The following ERCC1 variants were observed in gnomAD, a reference collection of about 807,000 sequenced individuals.
ERCC1 encodes the protein DNA excision repair protein ERCC-1.
A neutral mutation model predicts 37.6 loss-of-function variants in ERCC1; 36 were observed. The ratio of observed to expected loss-of-function variants is 0.96; its 90% CI spans 0.73 to 1.26. The LOEUF (loss-of-function observed/expected upper bound fraction) is 1.26. ERCC1 is among the 50% of genes most tolerant of loss of function. The probability of loss-of-function intolerance (pLI) is 0.00; values close to 1 mark genes in which losing one functional copy is unlikely to be tolerated. For synonymous variants in ERCC1, 156 were observed against 162.1 expected, an observed-to-expected ratio of 0.96 and a Z score of 0.28; for missense variants, 349 against 376.5, an observed-to-expected ratio of 0.93 and a Z score of 0.60.
At chr19:45,434,156 A>ACACACACACAC (rs548145676) in intron 1 of ERCC1, among the ~76,000 whole-genome samples, 2 of 95,706 alleles carry the variant, frequency 2.1e-5, no homozygotes, top group Non-Finnish European at 3.8e-5. Context: ...ACACACACAC[A>ACACACACACAC]AAAAAAAAAA....
rs35729377 is a variant in ERCC1 at position 45,409,231 on chromosome 19, C to CAAG, written c.*441_*443dup. The CAAG allele has an allele frequency of 1.6e-4, 259 of 1,605,090 alleles. No individual in the cohort carries two copies. The highest frequency in any genetic ancestry group is 3.1e-4 in the African/African-American group (23 of 74,726). On this transcript the variant is annotated 3_prime_UTR_variant, in exon 10 of 10. Transcript: ENST00000300853. ...AGCCTCAGGCAGCTCCCACATCCAC[C>CAAG]AAGAAGAAGAAGAAGAAGAAAGAGA...
At chr19:45,449,718 A>G (rs1365515867) in intron 1 of ERCC1, among the ~76,000 whole-genome samples, 1 of 151,948 alleles carries the variant, frequency 6.6e-6, no homozygotes, top group African/African-American at 2.4e-5. Flanking sequence ...TAATCCCAGC[A>G]CTTTAGGAGG....
rs1361838615 is a variant in ERCC1, at chr19:45,420,318, G to A, written c.425+6C>T. ...CTGAAGTCTGGGGTGGCGCCGCAGAGCTCACCTGAGGAACAGGGCACAGGT... is the reference window on the plus strand; with the variant it reads ...CTGAAGTCTGGGGTGGCGCCGCAGAACTCACCTGAGGAACAGGGCACAGGT... On this transcript the variant is annotated splice_donor_region_variant and intron_variant, in intron 4 of 9. Transcript: ENST00000300853. This position sits in a 1 kb window ranked among gnomAD's most constrained non-coding sequence, Gnocchi z 4.8. 1.9e-6 allele frequency: 3 copies of A among 1,602,272 alleles called. No individual in the cohort carries two copies. Among genetic ancestry groups the A allele is most frequent in the Non-Finnish European group, 2.6e-6 (3 of 1,170,762 alleles).
In ERCC1 at chr19:45,420,431, G is replaced by A. The variant is rs1297967984; in HGVS notation, c.322-4C>T. 1 of 1,602,658 alleles carries A rather than the reference G, an allele frequency of 6.2e-7. No homozygotes were observed. The highest frequency in any genetic ancestry group is 1.1e-5 in the South Asian group (1 of 90,464). ...ACTTCAGTACGGGATTGCCCCTCTG[G>A]GGAGGGACGAAGGGCAGAAGCCATC... On this transcript the variant is annotated splice_region_variant and splice_polypyrimidine_tract_variant and intron_variant, in intron 3 of 9. Transcript: ENST00000300853. The surrounding 1 kb of genome is among the most constrained non-coding windows in gnomAD (Gnocchi z 4.8).
intron 6 of ERCC1, 114 bp from the exon 7 acceptor site, chr19:45,415,074 C>CT (rs1418263636): frequency 4.2e-6 from 3 of 709,064 alleles, no homozygotes; most frequent in African/African-American, 3.5e-5. Flanking sequence ...TGGCTCACGC[C>CT]TGTAATCCCA....
At chr19:45,434,155 C>CAAAAA (rs138387403) in intron 1 of ERCC1, among the ~76,000 whole-genome samples, 2 of 97,470 alleles carry the variant, frequency 2.1e-5, no homozygotes, top group African/African-American at 4.4e-5. Flanking sequence ...CACACACACA[C>CAAAAA]AAAAAAAAAA....
intron 1 of ERCC1, among the ~76,000 whole-genome samples, chr19:45,443,125 C>T (rs1975163135): frequency 6.6e-6 from 1 of 152,090 alleles, no homozygotes; most frequent in Non-Finnish European, 1.5e-5. Context: ...GTGCCCTCTG[C>T]ACTAGGGAGG....
At position 45,423,891 on chromosome 19, in the gene ERCC1, G is replaced by A; in HGVS notation, c.-118C>T. On this transcript the variant is annotated 5_prime_UTR_variant, in exon 1 of 10. Transcript: ENST00000300853. ...AGGCGGCCCACTGCCAGCACGGCCA[G>A]CGTGGCCCAGGGCTCGCAGCACTTC... is the stretch of plus-strand genomic sequence containing the variant. 1 of 1,104,462 alleles carries A rather than the reference G, an allele frequency of 9.1e-7. No homozygotes were observed. The highest frequency in any genetic ancestry group is 1.1e-6 in the Non-Finnish European group (1 of 900,870). The allele number at this position is 1,104,462 out of a possible 1,614,324, so 68.4% of individuals were successfully genotyped here. A position where few individuals can be genotyped will look rare whatever the true frequency, so the allele number is the denominator to read the frequency against.
At chr19:45,414,755 C>T (rs574572144) in intron 7 of ERCC1, 106 bp downstream of exon 7, 125 of 814,848 alleles carry the variant, frequency 1.5e-4, no homozygotes, top group South Asian at 1.1e-3. Context: ...CCAGGAAAGA[C>T]GAGGCCCAGG....
At position 45,409,129 on chromosome 19, in the gene ERCC1, G is replaced by T. The variant is rs772941647; in HGVS notation, c.*546C>A. ...CTCTGGCAGCTCCCAAAAAGAAGAC[G>T]AAGAAAGAAAAACAGCAAGATGCCA... On this transcript the variant is annotated 3_prime_UTR_variant, in exon 10 of 10. Coordinates refer to ENST00000300853, the MANE Select transcript of ERCC1 (RefSeq NM_001983.4). 3 of 1,613,162 alleles carry T rather than the reference G, an allele frequency of 1.9e-6. No individual in the cohort carries two copies. The highest frequency in any genetic ancestry group is 2.5e-6 in the Non-Finnish European group (3 of 1,179,380).
At position 45,419,420 on chromosome 19, in the gene ERCC1, C is replaced by A. The variant is rs1283358862; in HGVS notation, c.426-223G>T. 1.8e-5 allele frequency: 10 copies of A among 544,506 alleles called. No homozygotes were observed. In the South Asian group the frequency reaches 2.0e-4, roughly 11 times the overall value. The allele number at this position is 544,506 out of a possible 1,614,324, so 33.7% of individuals were successfully genotyped here. On this transcript the variant is annotated intron_variant, in intron 4 of 9. Transcript: ENST00000300853. ...ACATGGCTGTGCTTACCTAGAAGAC[C>A]AGACCCCTGGCTTCTTCATGAAGAG...
At chr19:45,414,648 G>A (rs913254480) in intron 7 of ERCC1, 13 of 528,194 alleles carry the variant, frequency 2.5e-5, no homozygotes, top group Non-Finnish European at 4.5e-5. Context: ...CTTTCTCTCG[G>A]GGTACTGGGG....
chr19:45,444,129 C>T (rs1247855425), intron 1 of ERCC1, among the ~76,000 whole-genome samples: 1 of 150,938 alleles, frequency 6.6e-6, no homozygotes, highest in African/African-American at 2.4e-5. Context: ...TCCCTAGCCC[C>T]CGACTCACCC....
chr19:45,408,694 G>C lies in ERCC1; in HGVS notation c.*981C>G. On this transcript the variant is annotated 3_prime_UTR_variant, in exon 10 of 10. Coordinates refer to ENST00000300853, the MANE Select transcript of ERCC1 (RefSeq NM_001983.4). ...CCACAGTGGAGACACTGGAGCCTCT[G>C]GGAGTGCTGTTCCCGTCCACCACCA... 28 of 1,613,970 alleles carry C rather than the reference G, an allele frequency of 1.7e-5. No individual in the cohort carries two copies. Among genetic ancestry groups the C allele is most frequent in the Non-Finnish European group, 2.3e-5 (27 of 1,180,010 alleles).
intron 1 of ERCC1, 199 bp downstream of exon 1, chr19:45,423,582 C>T: frequency 2.8e-6 from 4 of 1,415,464 alleles, no homozygotes; most frequent in Non-Finnish European, 3.7e-6. Context: ...CTTACAGGTC[C>T]ACAAGTCCCA....
chr19:45,421,497 T>C (rs1974426144), intron 2 of ERCC1, 104 bp from the exon 3 acceptor site: 1 of 782,464 alleles, frequency 1.3e-6, no homozygotes, highest in East Asian at 2.7e-5. Context: ...TTTGAGACAG[T>C]CTTGCTCTGT....
rs951593504 is a variant in ERCC1, at chr19:45,409,690, G to C, written c.879C>G (p.Phe293Leu). 1.6e-5 allele frequency: 17 copies of C among 1,044,764 alleles called. No individual in the cohort carries two copies. The highest frequency in any genetic ancestry group is 2.6e-5 in the Non-Finnish European group (17 of 660,264). 64.7% of individuals were successfully genotyped at this position (1,044,764 alleles called of 1,614,324 possible). A position where few individuals can be genotyped will look rare whatever the true frequency, so the allele number is the denominator to read the frequency against. ...RRLFDVLHEP[F>L]LKVP ...GCTGGGGTCATCAGGGTACTTTCAA[G>C]AAGGGCTCGTGCAGGACATCAAACA... The change falls in exon 10 of 10, where the codon TTC becomes TTG. Residue 293 changes from phenylalanine to leucine, a missense_variant. Transcript: ENST00000300853.
intron 1 of ERCC1, among the ~76,000 whole-genome samples, chr19:45,434,805 C>T (rs1427996810): frequency 2.0e-5 from 3 of 150,782 alleles, no homozygotes; most frequent in East Asian, 1.9e-4. Flanking sequence ...GACAGAGTTT[C>T]GCTCTTGTTG....
intron 2 of ERCC1, among the ~76,000 whole-genome samples, chr19:45,422,871 T>C (rs1363394529): frequency 1.3e-5 from 2 of 152,158 alleles, no homozygotes; most frequent in East Asian, 1.9e-4. Flanking sequence ...CACCCGTCGA[T>C]TGTTTTCCCT....
Sources: gnomAD v4.1 joint callset for allele counts (sites outside exome capture counted in the v4.1 genomes callset) on GRCh38, gnomAD v4.1.1 for gene constraint, Gnocchi (gnomAD v3.1) non-coding constraint, MANE v1.5 for transcripts, NCBI Gene and HGNC (gene_info 2026-07-23, HGNC 2026-07-21) for gene names.